Variants in NHSL1 observed in about 807,000 individuals in gnomAD.
NHSL1 encodes the protein NHS like 1, also known as NHS-like protein 1.
NHSL1 carries 48 observed loss-of-function variants against 95.0 expected under a neutral mutation model. That is an observed-to-expected ratio of 0.51 (90% CI 0.40 to 0.64). NHSL1 has a LOEUF of 0.64. Among genes scored for constraint, NHSL1 ranks in the 30% least tolerant of loss-of-function variants. The pLI, the probability that NHSL1 is intolerant of heterozygous loss-of-function variation, is 0.00. For synonymous variants in NHSL1, 783 were observed against 833.9 expected (o/e 0.94, Z 1.05); for missense variants, 1,971 against 2,077.7 (o/e 0.95, Z 1.00).
intron 1 of NHSL1, among the ~76,000 whole-genome samples, chr6:138,660,875 T>G (rs1293553208): frequency 6.6e-6 from 1 of 151,714 alleles, no homozygotes; most frequent in Non-Finnish European, 1.5e-5. Context: ...TGGTGGACCA[T>G]GAGGTCAGGA....
chr6:138,593,154 C>T (rs1784255896), intron 1 of NHSL1, among the ~76,000 whole-genome samples: 1 of 152,174 alleles, frequency 6.6e-6, no homozygotes. Context: ...TGTAAAGGAT[C>T]CGAGTGACAA....
intron 1 of NHSL1, among the ~76,000 whole-genome samples, chr6:138,596,263 AG>A (rs1213655260): frequency 6.6e-6 from 1 of 152,182 alleles, no homozygotes; most frequent in Non-Finnish European, 1.5e-5. Context: ...TTACCTCCCC[AG>A]GGCTCTCCCA....
At chr6:138,534,455 A>G (rs1039497317) in intron 1 of NHSL1, among the ~76,000 whole-genome samples, 8 of 152,186 alleles carry the variant, frequency 5.3e-5, no homozygotes, top group Non-Finnish European at 1.0e-4. Context: ...AAAGAAAAGG[A>G]GCCCTTTGAA....
At chr6:138,435,388 T>C (rs532708691) in intron 5 of NHSL1, 10 of 152,512 alleles carry the variant, frequency 6.6e-5, no homozygotes, top group Admixed American at 6.5e-4. Context: ...ATAAACAAAA[T>C]CCTGATACTT....
rs118142193 is a variant in NHSL1, at chr6:138,460,772, T to A, written c.339+12534A>T. Among the ~76,000 whole-genome samples, 17 of 151,728 alleles carry A rather than the reference T, an allele frequency of 1.1e-4. No homozygotes were observed. The East Asian group carries it at 3.3e-3, about 29-fold the overall frequency. On this transcript the variant is annotated intron_variant, in intron 3 of 7. Coordinates refer to ENST00000343505, the MANE Select transcript of NHSL1 (RefSeq NM_001144060.2). ...AATGTGTTAGAGATTTCCTGTTAGCTATGCAATAAAGGAATTCCTTCACTT... is the reference window on the plus strand; with the variant it reads ...AATGTGTTAGAGATTTCCTGTTAGCAATGCAATAAAGGAATTCCTTCACTT...
chr6:138,467,039 AAAC>A (rs1453975784), intron 3 of NHSL1, among the ~76,000 whole-genome samples: 1 of 152,178 alleles, frequency 6.6e-6, no homozygotes, highest in African/African-American at 2.4e-5. Flanking sequence ...ACCAACAAAA[AAAC>A]AAAATATGAC....
chr6:138,539,529 AATACTG>A (rs1178914262), intron 1 of NHSL1, among the ~76,000 whole-genome samples: 1 of 152,168 alleles, frequency 6.6e-6, no homozygotes, highest in Non-Finnish European at 1.5e-5. Context: ...GCTTAGGTGT[AATACTG>A]CTCCCCCAAT....
chr6:138,612,871 T>C (rs576778222), intron 1 of NHSL1, among the ~76,000 whole-genome samples: 4 of 152,354 alleles, frequency 2.6e-5, no homozygotes, highest in Admixed American at 2.0e-4. Context: ...ACAAATCTCT[T>C]TGATGGAGGA....
intron 3 of NHSL1, among the ~76,000 whole-genome samples, chr6:138,467,962 A>G (rs1207271907): frequency 6.6e-6 from 1 of 152,184 alleles, no homozygotes; most frequent in Admixed American, 6.5e-5. Context: ...TGCCCAGGCT[A>G]GTCTTGAATT....
chr6:138,498,861 C>T (rs1434067709), intron 1 of NHSL1, among the ~76,000 whole-genome samples: 2 of 152,208 alleles, frequency 1.3e-5, no homozygotes, highest in Non-Finnish European at 2.9e-5. Flanking sequence ...AAAAATCATA[C>T]ACTTGATATC....
chr6:138,489,306 C>T (rs907740852), intron 2 of NHSL1, among the ~76,000 whole-genome samples: 1 of 152,104 alleles, frequency 6.6e-6, no homozygotes, highest in African/African-American at 2.4e-5. Flanking sequence ...ATTTCATTCC[C>T]ATGTAAACAG....
At chr6:138,449,083 A>T (rs1420371639) in intron 3 of NHSL1, among the ~76,000 whole-genome samples, 6 of 151,662 alleles carry the variant, frequency 4.0e-5, no homozygotes, top group African/African-American at 9.7e-5. Context: ...AAATTCAAAC[A>T]CAAGAATACT....
intron 1 of NHSL1, among the ~76,000 whole-genome samples, chr6:138,623,572 C>A (rs544876568): frequency 6.6e-6 from 1 of 152,128 alleles, no homozygotes; most frequent in Non-Finnish European, 1.5e-5. Context: ...GAATACAATA[C>A]ATTGTTATTA....
chr6:138,470,446 C>A (rs1468749076), intron 3 of NHSL1: 1 of 152,136 alleles, frequency 6.6e-6, no homozygotes, highest in African/African-American at 2.4e-5. Flanking sequence ...CGCTACCACA[C>A]CCAGCTAGTT....
intron 1 of NHSL1, among the ~76,000 whole-genome samples, chr6:138,613,489 G>A (rs1784540776): frequency 6.6e-6 from 1 of 152,204 alleles, no homozygotes; most frequent in Admixed American, 6.5e-5. Flanking sequence ...GCATGGGAAT[G>A]GAATGCCAGT....
intron 1 of NHSL1, among the ~76,000 whole-genome samples, chr6:138,555,169 G>A (rs1231963968): frequency 2.0e-5 from 3 of 152,106 alleles, no homozygotes; most frequent in African/African-American, 4.8e-5. Flanking sequence ...TGATCATGCC[G>A]AACATGATCT....
intron 1 of NHSL1, among the ~76,000 whole-genome samples, chr6:138,543,352 T>C (rs7742292): frequency 0.54 from 82,155 of 152,012 alleles, 23,901 homozygotes; most frequent in African/African-American, 0.76. Flanking sequence ...AGAGTGATTG[T>C]AACTATATAA....
At chr6:138,428,364 T>G (rs1775401325) in intron 7 of NHSL1, among the ~76,000 whole-genome samples, 1 of 152,230 alleles carries the variant, frequency 6.6e-6, no homozygotes, top group Non-Finnish European at 1.5e-5. Context: ...TCTAGCGTGG[T>G]TAAGAGTTAG....
At chr6:138,622,527 G>A (rs752865118) in intron 1 of NHSL1, among the ~76,000 whole-genome samples, 1 of 152,010 alleles carries the variant, frequency 6.6e-6, no homozygotes, top group Non-Finnish European at 1.5e-5. Flanking sequence ...GTTCCCACGT[G>A]GGGGTGTTTC....
Sources: allele counts gnomAD v4.1 joint callset (sites outside exome capture counted in the v4.1 genomes callset), GRCh38; gene constraint gnomAD v4.1.1; transcripts MANE v1.5; gene names NCBI Gene and HGNC (gene_info 2026-07-23, HGNC 2026-07-21).